The following TEAD1 variants were observed in gnomAD, a reference collection of about 807,000 sequenced individuals.
TEAD1 encodes the protein TEA domain transcription factor 1.
TEAD1 carries 9 observed loss-of-function variants against 54.9 expected under a neutral mutation model. The observed-to-expected ratio is 0.16, with a 90% CI of 0.10 to 0.29. TEAD1 has a LOEUF of 0.29. TEAD1 is among the 10% of genes least tolerant of loss of function. The probability of loss-of-function intolerance (pLI) is 1.00; values close to 1 mark genes in which losing one functional copy is unlikely to be tolerated. For synonymous variants in TEAD1, 200 were observed against 187.8 expected (o/e 1.07, Z -0.53); for missense variants, 387 against 535.9 (o/e 0.72, Z 2.74).
At chr11:12,808,551 A>G (rs558529554) in intron 3 of TEAD1, among the ~76,000 whole-genome samples, 1 of 152,226 alleles carries the variant, frequency 6.6e-6, no homozygotes, top group South Asian at 2.1e-4. Flanking sequence ...TCTGAGAATG[A>G]AATCAGAGGC....
chr11:12,688,852 C>G (rs956821500), intron 2 of TEAD1, among the ~76,000 whole-genome samples: 1 of 152,214 alleles, frequency 6.6e-6, no homozygotes, highest in African/African-American at 2.4e-5. Flanking sequence ...CCTCCACTCT[C>G]CAGTTTCTCA....
At chr11:12,833,255 T>C (rs1421389886) in intron 3 of TEAD1, among the ~76,000 whole-genome samples, 1 of 152,298 alleles carries the variant, frequency 6.6e-6, no homozygotes, top group South Asian at 2.1e-4. Context: ...ATATTTTTAA[T>C]CAAGACTTTA....
intron 2 of TEAD1, among the ~76,000 whole-genome samples, chr11:12,685,314 G>A (rs1036709190): frequency 6.6e-6 from 1 of 152,208 alleles, no homozygotes; most frequent in African/African-American, 2.4e-5. Context: ...GCTGACAGTG[G>A]ATGAGGGGAG....
intron 2 of TEAD1, among the ~76,000 whole-genome samples, chr11:12,694,769 C>T (rs75836115): frequency 0.025 from 3,816 of 152,254 alleles, 144 homozygotes; most frequent in African/African-American, 0.088. Flanking sequence ...TGTTAGCTAG[C>T]GTGGGATTTG....
intron 3 of TEAD1, chr11:12,828,000 A>C (rs2134013011): frequency 6.6e-6 from 1 of 152,388 alleles, no homozygotes; most frequent in South Asian, 2.1e-4. Context: ...AATGGAAAGT[A>C]GCAGTTGGTG....
rs1943033972 is a variant in TEAD1, at chr11:12,674,565, C to G, written c.-477C>G. The G allele has an allele frequency of 6.6e-6, 1 of 151,080 alleles. No individual in the cohort carries two copies. Among genetic ancestry groups the G allele is most frequent in the African/African-American group, 2.4e-5 (1 of 41,302 alleles). 9.4% of individuals were successfully genotyped at this position (151,080 alleles called of 1,614,324 possible). On this transcript the variant is annotated 5_prime_UTR_variant, in exon 1 of 13. Coordinates refer to ENST00000527636, the MANE Select transcript of TEAD1 (RefSeq NM_021961.6). Reference sequence around the variant, plus strand: ...CTCGCTTCCACCCTGCGGGCCATTCCGCGCGGCGGGGCCCGGGCCCGGGGC... The same window carrying G: ...CTCGCTTCCACCCTGCGGGCCATTCGGCGCGGCGGGGCCCGGGCCCGGGGC...
intron 3 of TEAD1, among the ~76,000 whole-genome samples, chr11:12,816,652 G>A (rs943849421): frequency 1.3e-5 from 2 of 152,168 alleles, no homozygotes; most frequent in Non-Finnish European, 2.9e-5. Context: ...GAGTTTAGTT[G>A]CTATACACAA....
At chr11:12,839,976 G>A (rs4757950) in intron 3 of TEAD1, among the ~76,000 whole-genome samples, 90,810 of 151,774 alleles carry the variant, frequency 0.6, 29,134 homozygotes, top group East Asian at 0.77. Flanking sequence ...GGCCTGGCGC[G>A]GTGGTTCACG....
In TEAD1 at chr11:12,930,321, T is replaced by C. The variant is rs747712383; in HGVS notation, c.1162T>C (p.Leu388=). The C allele has an allele frequency of 1.9e-6, 3 of 1,614,190 alleles. No individual in the cohort carries two copies. Among genetic ancestry groups the C allele is most frequent in the Non-Finnish European group, 2.5e-6 (3 of 1,180,022 alleles). Reference sequence around the variant, plus strand: ...CAGTGTTTTGGAAAACTTCACAATTTTATTGGTAATGGTTTTGTCTCTTTC... The same window carrying C: ...CAGTGTTTTGGAAAACTTCACAATTCTATTGGTAATGGTTTTGTCTCTTTC... Residue 388 remains leucine, a synonymous_variant, in exon 12 of 13, where the codon TTA becomes CTA. Coordinates refer to ENST00000527636, the MANE Select transcript of TEAD1 (RefSeq NM_021961.6).
intron 3 of TEAD1, among the ~76,000 whole-genome samples, chr11:12,850,081 C>T (rs1947240474): frequency 2.0e-5 from 3 of 152,138 alleles, no homozygotes; most frequent in Admixed American, 2.0e-4. Context: ...CCTTTTAGGA[C>T]CCTATATATC....
At chr11:12,829,504 A>C (rs1564955052) in intron 3 of TEAD1, among the ~76,000 whole-genome samples, 1 of 152,340 alleles carries the variant, frequency 6.6e-6, no homozygotes, top group African/African-American at 2.4e-5. Context: ...TGCCTTTAGA[A>C]GTAAAATCCA....
At chr11:12,902,208 A>G (rs1948436621) in intron 10 of TEAD1, 95 bp downstream of exon 10, 21 of 1,497,830 alleles carry the variant, frequency 1.4e-5, no homozygotes, top group Non-Finnish European at 1.9e-5. Context: ...TTGGATTTAC[A>G]CTGAGTGCAC....
At chr11:12,917,654 T>G (rs1948740080) in intron 10 of TEAD1, among the ~76,000 whole-genome samples, 1 of 152,206 alleles carries the variant, frequency 6.6e-6, no homozygotes, top group African/African-American at 2.4e-5. Flanking sequence ...CTGAAAGTAT[T>G]TAGCTTTAAG....
At chr11:12,708,901 T>C (rs1943873810) in intron 2 of TEAD1, among the ~76,000 whole-genome samples, 3 of 152,220 alleles carry the variant, frequency 2.0e-5, no homozygotes, top group Admixed American at 6.5e-5. Flanking sequence ...GCATATTATG[T>C]AAAGGTTTAT....
chr11:12,830,106 C>G (rs937341946), intron 3 of TEAD1, among the ~76,000 whole-genome samples: 1 of 152,062 alleles, frequency 6.6e-6, no homozygotes, highest in Non-Finnish European at 1.5e-5. Flanking sequence ...AGCCCCCGAG[C>G]CATTGGGAAA....
chr11:12,833,284 A>T (rs1946818729), intron 3 of TEAD1, among the ~76,000 whole-genome samples: 1 of 152,180 alleles, frequency 6.6e-6, no homozygotes, highest in African/African-American at 2.4e-5. Context: ...TTGAAAAAAG[A>T]AGATTTGGGG....
intron 3 of TEAD1, among the ~76,000 whole-genome samples, chr11:12,784,413 C>T (rs1945632592): frequency 6.6e-6 from 1 of 152,112 alleles, no homozygotes; most frequent in African/African-American, 2.4e-5. Flanking sequence ...AACATCATCA[C>T]AGGGTTTGGA....
At chr11:12,907,225 CAG>C (rs778243986) in intron 10 of TEAD1, among the ~76,000 whole-genome samples, 1 of 152,154 alleles carries the variant, frequency 6.6e-6, no homozygotes, top group Non-Finnish European at 1.5e-5. Context: ...GGCACTGAGA[CAG>C]GGTGTGTGTA....
At chr11:12,897,442 T>G (rs988493210) in intron 9 of TEAD1, among the ~76,000 whole-genome samples, 14 of 152,246 alleles carry the variant, frequency 9.2e-5, no homozygotes, top group African/African-American at 3.4e-4. Context: ...GAGGGATTCC[T>G]GACCTACCCA....
Sources: allele counts gnomAD v4.1 joint callset (sites outside exome capture counted in the v4.1 genomes callset), GRCh38; gene constraint gnomAD v4.1.1; transcripts MANE v1.5; gene names NCBI Gene and HGNC (gene_info 2026-07-23, HGNC 2026-07-21).